The following VPS13A variants were observed in gnomAD, a reference collection of about 807,000 sequenced individuals.
The protein encoded by VPS13A is vacuolar protein sorting 13 homolog A.
A neutral mutation model predicts 390.9 loss-of-function variants in VPS13A; 264 were observed. That is an observed-to-expected ratio of 0.68 (90% CI 0.61 to 0.75). The LOEUF (loss-of-function observed/expected upper bound fraction) is 0.75, where lower values mean the gene tolerates loss of function less well. Ranked by LOEUF, VPS13A falls within the 30% of genes least tolerant of loss-of-function variation. VPS13A has a pLI of 0.00. For missense variants in VPS13A, 3,409 were observed against 3,733.9 expected, an observed-to-expected ratio of 0.91 and a Z score of 2.27; for synonymous variants, 1,231 against 1,227.1, an observed-to-expected ratio of 1.00 and a Z score of -0.07.
chr9:77,237,625 A>C (rs1361282793), intron 17 of VPS13A, among the ~76,000 whole-genome samples: 1 of 152,200 alleles, frequency 6.6e-6, no homozygotes, highest in African/African-American at 2.4e-5. Context: ...TTGACCTCCC[A>C]AAATGCTGGG....
chr9:77,389,198 A>G (rs1833809483), intron 68 of VPS13A, among the ~76,000 whole-genome samples: 1 of 152,142 alleles, frequency 6.6e-6, no homozygotes, highest in Non-Finnish European at 1.5e-5. Flanking sequence ...ACGTATTTTT[A>G]TAAGCAGCAT....
rs564972583 is a variant in VPS13A at position 77,331,655 on chromosome 9, T to C, written c.5992-355T>C. 1.7e-3 allele frequency among the ~76,000 whole-genome samples: 256 copies of C among 152,112 alleles called. 1 individual carries two copies. The highest frequency in any genetic ancestry group is 5.8e-3 in the African/African-American group (243 of 41,578). ...AGCCTGTAGATTGTCACTTTTATCA[T>C]ATAAATATTTAAAATTTTGATTTTT... On this transcript the variant is annotated intron_variant, in intron 45 of 71. Coordinates refer to ENST00000360280, the MANE Select transcript of VPS13A (RefSeq NM_033305.3).
At chr9:77,362,623 T>C (rs1267118859) in intron 59 of VPS13A, among the ~76,000 whole-genome samples, 8 of 152,242 alleles carry the variant, frequency 5.3e-5, no homozygotes, top group Non-Finnish European at 1.2e-4. Context: ...ATATGAATTT[T>C]AGAATCAACT....
chr9:77,414,739 T>TTAATAATAATAATAATAATAA (rs148536381), intron 71 of VPS13A, among the ~76,000 whole-genome samples: 7 of 145,672 alleles, frequency 4.8e-5, no homozygotes, highest in African/African-American at 1.8e-4. Flanking sequence ...TGAAGTATAA[T>TTAATAATAATAATAATAATAA]TAATAATAAT....
intron 67 of VPS13A, among the ~76,000 whole-genome samples, chr9:77,372,971 C>T (rs1263750681): frequency 6.6e-6 from 1 of 151,814 alleles, no homozygotes; most frequent in Non-Finnish European, 1.5e-5. Flanking sequence ...AACCACTGCT[C>T]AAGGAAATAA....
rs1825255533 is a variant in VPS13A at position 77,253,428 on chromosome 9, C to T, written c.2288+1076C>T. Among the ~76,000 whole-genome samples, 3 of 152,162 alleles carry T rather than the reference C, an allele frequency of 2.0e-5. No individual in the cohort carries two copies. The South Asian group carries it at 6.2e-4, about 32-fold the overall frequency. On this transcript the variant is annotated intron_variant, in intron 22 of 71. Coordinates refer to ENST00000360280, the MANE Select transcript of VPS13A (RefSeq NM_033305.3). Reference sequence around the variant, plus strand: ...TCAAGTGATTCTCCTGCCTCAGCCTCCTGAGTAGCTGGGACTACAAGCGCA... The same window carrying T: ...TCAAGTGATTCTCCTGCCTCAGCCTTCTGAGTAGCTGGGACTACAAGCGCA...
chr9:77,252,323 C>T lies in VPS13A; in HGVS notation c.2259C>T (p.Ala753=), dbSNP rs755393666. ...ACTTCAATTTGGAACTGTCTAAGGC[C>T]ATGGTTTTCATGGATGTAAGGATGC... ...PMHFNLELSK[A]MVFMDVRMPK... Residue 753 remains alanine, a synonymous_variant, in exon 22 of 72, where the codon GCC becomes GCT. Coordinates refer to ENST00000360280, the MANE Select transcript of VPS13A (RefSeq NM_033305.3). 8.1e-6 allele frequency: 13 copies of T among 1,613,548 alleles called. No homozygotes were observed. Among genetic ancestry groups the T allele is most frequent in the Admixed American group, 1.7e-5 (1 of 59,984 alleles).
intron 39 of VPS13A, among the ~76,000 whole-genome samples, chr9:77,316,888 T>C (rs887919803): frequency 6.6e-6 from 1 of 152,106 alleles, no homozygotes; most frequent in Non-Finnish European, 1.5e-5. Flanking sequence ...TTTTACTCTC[T>C]AGTAACCTCT....
intron 33 of VPS13A, among the ~76,000 whole-genome samples, chr9:77,298,614 A>T (rs1052723346): frequency 6.6e-6 from 1 of 152,116 alleles, no homozygotes; most frequent in African/African-American, 2.4e-5. Flanking sequence ...TTTGCCAAGC[A>T]AGTGTGACCG....
At chr9:77,295,453 T>A (rs1587514621) in intron 32 of VPS13A, 89 bp from the exon 33 acceptor site, 10 of 1,173,188 alleles carry the variant, frequency 8.5e-6, no homozygotes, top group East Asian at 5.4e-5. Context: ...AGTTTTTTTT[T>A]AAATGGAGGT....
At chr9:77,202,106 T>A (rs1416062671) in intron 3 of VPS13A, among the ~76,000 whole-genome samples, 2 of 152,156 alleles carry the variant, frequency 1.3e-5, no homozygotes, top group African/African-American at 4.8e-5. Context: ...GCTATACTGT[T>A]GTCACTTGGG....
chr9:77,246,696 T>C (rs1824835245), intron 19 of VPS13A, among the ~76,000 whole-genome samples: 1 of 152,138 alleles, frequency 6.6e-6, no homozygotes. Flanking sequence ...GGTATACTAA[T>C]CACATGCAAG....
intron 45 of VPS13A, among the ~76,000 whole-genome samples, chr9:77,327,974 C>T (rs946605684): frequency 6.6e-6 from 1 of 152,124 alleles, no homozygotes; most frequent in Non-Finnish European, 1.5e-5. Context: ...ATTTACTTTG[C>T]CCAGATCCAT....
intron 1 of VPS13A, among the ~76,000 whole-genome samples, chr9:77,195,779 TA>T (rs1361542783): frequency 2.0e-5 from 3 of 152,184 alleles, no homozygotes; most frequent in Non-Finnish European, 4.4e-5. Flanking sequence ...TTTTTATTTT[TA>T]TTTTTTTTCC....
chr9:77,203,208 T>C (rs1216605635), intron 3 of VPS13A, among the ~76,000 whole-genome samples: 1 of 152,188 alleles, frequency 6.6e-6, no homozygotes, highest in African/African-American at 2.4e-5. Flanking sequence ...GTTTTTGGAA[T>C]TACATCTGTG....
At chr9:77,377,107 G>C (rs1306890297) in intron 67 of VPS13A, among the ~76,000 whole-genome samples, 1 of 151,328 alleles carries the variant, frequency 6.6e-6, no homozygotes, top group African/African-American at 2.4e-5. Flanking sequence ...CATTTATTTA[G>C]GTCTTCTTGA....
intron 1 of VPS13A, among the ~76,000 whole-genome samples, chr9:77,193,121 A>ATACT (rs1188226148): frequency 6.6e-6 from 1 of 151,672 alleles, no homozygotes; most frequent in Non-Finnish European, 1.5e-5. Context: ...CCTCAGCTTA[A>ATACT]TCTGTTCTGC....
Position 77,416,819 on chromosome 9 carries a change from C to G in VPS13A, c.*813C>G, listed in dbSNP as rs1232210661. On this transcript the variant is annotated 3_prime_UTR_variant, in exon 72 of 72. Transcript: ENST00000360280. Reference sequence around the variant, plus strand: ...AGAATTTTTAAAGCCTTAACAATGCCTACTTTCCATTCACTGTTAACATGG... The same window carrying G: ...AGAATTTTTAAAGCCTTAACAATGCGTACTTTCCATTCACTGTTAACATGG... The G allele has an allele frequency of 6.6e-6, 1 of 152,574 alleles. No individual in the cohort carries two copies. The highest frequency in any genetic ancestry group is 1.5e-5 in the Non-Finnish European group (1 of 68,030). The allele number at this position is 152,574 out of a possible 1,614,324, so 9.5% of individuals were successfully genotyped here. A position where few individuals can be genotyped will look rare whatever the true frequency, so the allele number is the denominator to read the frequency against.
intron 36 of VPS13A, 31 bp from the exon 37 acceptor site, chr9:77,314,464 T>C (rs769063765): frequency 1.2e-5 from 19 of 1,600,262 alleles, no homozygotes; most frequent in Non-Finnish European, 1.5e-5. Flanking sequence ...TGTGTTTCTT[T>C]GTAATTTTGT....
Sources: gnomAD v4.1 joint callset for allele counts (sites outside exome capture counted in the v4.1 genomes callset) on GRCh38, gnomAD v4.1.1 for gene constraint, MANE v1.5 for transcripts, NCBI Gene and HGNC (gene_info 2026-07-23, HGNC 2026-07-21) for gene names.